UROC1: variants seen among roughly 807,000 people sequenced by gnomAD.
UROC1 encodes urocanate hydratase 1.
A neutral mutation model predicts 89.5 loss-of-function variants in UROC1; 79 were observed. That is an observed-to-expected ratio of 0.88 (90% CI 0.74 to 1.06). UROC1 has a LOEUF of 1.06. Ranked by LOEUF, UROC1 falls within the 50% of genes least tolerant of loss-of-function variation. The probability of loss-of-function intolerance (pLI) is 0.00; values close to 1 mark genes in which losing one functional copy is unlikely to be tolerated. For missense variants in UROC1, 885 were observed against 907.8 expected (o/e 0.97, Z 0.32); for synonymous variants, 361 against 354.8 (o/e 1.02, Z -0.20).
chr3:126,492,049 G>C (rs536640465), intron 16 of UROC1, among the ~76,000 whole-genome samples: 3 of 151,354 alleles, frequency 2.0e-5, no homozygotes, highest in Admixed American at 2.0e-4. Flanking sequence ...CTATGCTTCA[G>C]GGAGGTTACC....
chr3:126,501,129 C>A, intron 10 of UROC1, 89 bp downstream of exon 10: 1 of 1,408,858 alleles, frequency 7.1e-7, no homozygotes, highest in East Asian at 2.3e-5. Context: ...GCTTTGTGTC[C>A]TGGCAGCTCC....
chr3:126,512,482 T>C (rs1936217980), intron 1 of UROC1, among the ~76,000 whole-genome samples: 1 of 152,198 alleles, frequency 6.6e-6, no homozygotes, highest in African/African-American at 2.4e-5. Context: ...CCCAGCACTT[T>C]GGGAGACCAA....
At chr3:126,514,968 A>G (rs1936268563) in intron 1 of UROC1, among the ~76,000 whole-genome samples, 1 of 152,084 alleles carries the variant, frequency 6.6e-6, no homozygotes, top group Admixed American at 6.5e-5. Flanking sequence ...AACGAAACAC[A>G]TTTAATAGAA....
chr3:126,501,604 C>T (rs1197442657), intron 9 of UROC1, among the ~76,000 whole-genome samples: 1 of 152,212 alleles, frequency 6.6e-6, no homozygotes, highest in Admixed American at 6.5e-5. Context: ...CAGAACCCAC[C>T]CAAGGTGGTC....
intron 1 of UROC1, among the ~76,000 whole-genome samples, chr3:126,512,168 T>C (rs775292839): frequency 3.9e-5 from 6 of 152,118 alleles, no homozygotes; most frequent in Non-Finnish European, 8.8e-5. Flanking sequence ...CTCACACAGG[T>C]CGTGTGACCT....
intron 3 of UROC1, 72 bp from the exon 4 acceptor site, chr3:126,508,547 A>AG (rs1936122892): frequency 7.5e-7 from 1 of 1,338,772 alleles, no homozygotes; most frequent in Non-Finnish European, 1.1e-6. Context: ...AGGGAGAGAA[A>AG]GGGCCCCCAT....
At chr3:126,491,733 C>T (rs1028648436) in intron 16 of UROC1, among the ~76,000 whole-genome samples, 5 of 152,220 alleles carry the variant, frequency 3.3e-5, no homozygotes, top group East Asian at 3.9e-4. Flanking sequence ...GTTCCGTCCT[C>T]GAGACGGGCT....
intron 4 of UROC1, 30 bp from the exon 5 acceptor site, chr3:126,508,125 G>A (rs748145357): frequency 6.2e-7 from 1 of 1,613,120 alleles, no homozygotes; most frequent in African/African-American, 1.3e-5. Flanking sequence ...TGGGGATTCT[G>A]TCAACAGAAG....
In UROC1 at chr3:126,508,054, C is replaced by A; in HGVS notation, c.453G>T (p.Glu151Asp). 6.2e-7 allele frequency: 1 copy of A among 1,614,024 alleles called. No individual in the cohort carries two copies. The highest frequency in any genetic ancestry group is 8.5e-7 in the Non-Finnish European group (1 of 1,180,026). Reference protein sequence around the residue: ...TMFYLSKMTEEQTLVMYSGHP... With the variant: ...TMFYLSKMTEDQTLVMYSGHP... ...GCCCACTGTACATGACCAAAGTCTG[C>A]TCCTCTGTCATCTTCGACAAGTAGA... Residue 151 changes from glutamate (E) to aspartate (D), a missense_variant, in exon 5 of 20, where the codon GAG becomes GAT. Coordinates refer to ENST00000290868, the MANE Select transcript of UROC1 (RefSeq NM_144639.3).
chr3:126,487,123 G>A (rs1336833445), intron 18 of UROC1, among the ~76,000 whole-genome samples: 4 of 152,156 alleles, frequency 2.6e-5, no homozygotes, highest in Non-Finnish European at 4.4e-5. Flanking sequence ...TGCTGTCCCT[G>A]CCCTAAGGCC....
At chr3:126,494,883 CT>C (rs1935743151) in intron 15 of UROC1, among the ~76,000 whole-genome samples, 2 of 145,618 alleles carry the variant, frequency 1.4e-5, no homozygotes, top group Admixed American at 1.4e-4. Flanking sequence ...CTGGGCAAGA[CT>C]CATCTGTTAG....
intron 6 of UROC1, among the ~76,000 whole-genome samples, chr3:126,507,355 TA>T (rs10709518): frequency 0.8 from 112,305 of 141,130 alleles, 45,401 homozygotes; most frequent in East Asian, 0.93. Context: ...GTGAGATGCA[TA>T]AAAAAAAAAA....
intron 18 of UROC1, among the ~76,000 whole-genome samples, chr3:126,486,336 G>C (rs1446654861): frequency 6.6e-6 from 1 of 152,214 alleles, no homozygotes; most frequent in Non-Finnish European, 1.5e-5. Context: ...GATCAGAAAA[G>C]TCTTTTCTGA....
intron 18 of UROC1, among the ~76,000 whole-genome samples, chr3:126,485,705 T>C (rs928808903): frequency 3.3e-5 from 5 of 151,032 alleles, no homozygotes; most frequent in Non-Finnish European, 1.5e-5. Context: ...GATGGGACTA[T>C]AGGCGTGCAC....
chr3:126,490,269 A>G (rs1360108620), intron 16 of UROC1, among the ~76,000 whole-genome samples: 1 of 152,128 alleles, frequency 6.6e-6, no homozygotes, highest in Non-Finnish European at 1.5e-5. Context: ...TACCCAGGAG[A>G]GGCAGCCAGC....
intron 9 of UROC1, chr3:126,501,682 A>G: frequency 7.9e-7 from 1 of 1,273,682 alleles, no homozygotes; most frequent in Non-Finnish European, 1.1e-6. Context: ...GGAAAAATCA[A>G]AGCATATTTT....
intron 18 of UROC1, among the ~76,000 whole-genome samples, chr3:126,487,333 T>C (rs750766376): frequency 1.3e-5 from 2 of 152,214 alleles, no homozygotes; most frequent in African/African-American, 4.8e-5. Context: ...AGGTACCCAA[T>C]AGCCAGGCAG....
intron 2 of UROC1, 48 bp from the exon 3 acceptor site, chr3:126,509,726 A>G: frequency 6.6e-7 from 1 of 1,522,050 alleles, no homozygotes. Flanking sequence ...GCCAAAGCAC[A>G]GCATCTAGCC....
intron 3 of UROC1, among the ~76,000 whole-genome samples, chr3:126,509,357 G>A (rs749545745): frequency 8.6e-5 from 13 of 151,860 alleles, no homozygotes; most frequent in African/African-American, 3.1e-4. Flanking sequence ...AAAATTGGAC[G>A]TGTGTCCACT....
Sources: allele counts gnomAD v4.1 joint callset (sites outside exome capture counted in the v4.1 genomes callset), GRCh38; gene constraint gnomAD v4.1.1; transcripts MANE v1.5; gene names NCBI Gene and HGNC (gene_info 2026-07-23, HGNC 2026-07-21).